The following TRIM50 variants were observed in gnomAD, a reference collection of about 807,000 sequenced individuals.
TRIM50 encodes the protein E3 ubiquitin-protein ligase TRIM50.
TRIM50 carries 34 observed loss-of-function variants against 44.9 expected under a neutral mutation model. The observed-to-expected ratio is 0.76, with a 90% CI of 0.58 to 1.01. TRIM50 has a LOEUF of 1.01. TRIM50 is among the 50% of genes least tolerant of loss of function. TRIM50 has a pLI of 0.00. For synonymous variants in TRIM50, 307 were observed against 291.1 expected (o/e 1.05, Z -0.56); for missense variants, 633 against 663.7 (o/e 0.95, Z 0.51).
chr7:73,313,150 TGGG>T lies in TRIM50; in HGVS notation c.1232_1234del (p.Pro411del). Reference sequence around the variant, plus strand: ...ATAGTGCAGGTAGAGCCCGATGCGGTGGGGGTGGCCGGCCACGGGCAGGGGTAC... The same window carrying T: ...ATAGTGCAGGTAGAGCCCGATGCGGTGGTGGCCGGCCACGGGCAGGGGTAC... On this transcript the variant is annotated inframe_deletion, in exon 7 of 7. Transcript: ENST00000333149. The surrounding 1 kb of genome is among the most constrained non-coding windows in gnomAD (Gnocchi z 4.9). The T allele has an allele frequency of 6.3e-7, 1 of 1,589,874 alleles. No homozygotes were observed. Among genetic ancestry groups the T allele is most frequent in the South Asian group, 1.1e-5 (1 of 87,666 alleles).
chr7:73,321,537 C>A (rs573633729), intron 2 of TRIM50, among the ~76,000 whole-genome samples: 1 of 152,110 alleles, frequency 6.6e-6, no homozygotes, highest in Admixed American at 6.6e-5. Context: ...CACGGATTTG[C>A]GACCTCCCCA....
In TRIM50 at chr7:73,324,627, G is replaced by A; in HGVS notation, c.161C>T (p.Pro54Leu). 1 of 1,614,198 alleles carries A rather than the reference G, an allele frequency of 6.2e-7. No homozygotes were observed. Among genetic ancestry groups the A allele is most frequent in the Non-Finnish European group, 8.5e-7 (1 of 1,180,040 alleles). ...GCCGTCCACCGCCTGCCGGCACACGGGGCAGCGCAGCTCGGCATCCAGGTG... is the reference window on the plus strand; with the variant it reads ...GCCGTCCACCGCCTGCCGGCACACGAGGCAGCGCAGCTCGGCATCCAGGTG... ...SCHLDAELRCPVCRQAVDGSS... is the reference protein window; with the variant it reads ...SCHLDAELRCLVCRQAVDGSS... The change falls in exon 2 of 7, where the codon CCC becomes CTC. Residue 54 changes from proline (P) to leucine (L), a missense_variant. Physicochemically the swap from Pro to Leu is moderately conservative, Grantham distance 98. Transcript: ENST00000333149.
In TRIM50 at chr7:73,313,173, G is replaced by A. The variant is rs782746653; in HGVS notation, c.1212C>T (p.Pro404=). The A allele has an allele frequency of 3.8e-6, 6 of 1,588,290 alleles. No individual in the cohort carries two copies. The South Asian group carries it at 6.9e-5, about 18-fold the overall frequency. Residue 404 remains proline (P), a synonymous_variant, in exon 7 of 7, where the codon CCC becomes CCT. Transcript: ENST00000333149. This position sits in a 1 kb window ranked among gnomAD's most constrained non-coding sequence, Gnocchi z 4.9. ...VYEAFACPRV[P]LPVAGHPHRI... is the part of the protein sequence containing the mutation. The stretch of plus-strand genomic sequence containing the variant: ...GGTGGGGGTGGCCGGCCACGGGCAG[G>A]GGTACCCGGGGGCAGGCAAAGGCTT...
intron 6 of TRIM50, chr7:73,314,355 C>G (rs1245873348): frequency 1.1e-4 from 43 of 390,456 alleles, no homozygotes; most frequent in Admixed American, 1.4e-4. Context: ...AACCAGTTCA[C>G]CCAGGCCCTG....
intron 3 of TRIM50, 97 bp downstream of exon 3, chr7:73,320,050 A>G (rs1804457315): frequency 6.3e-7 from 1 of 1,597,894 alleles, no homozygotes; most frequent in South Asian, 1.1e-5. Context: ...CTTTATATGG[A>G]AGGCATGGTT....
intron 3 of TRIM50, 103 bp from the exon 4 acceptor site, chr7:73,319,155 G>A (rs1804434191): frequency 1.3e-6 from 2 of 1,575,242 alleles, no homozygotes; most frequent in Admixed American, 3.6e-5. Context: ...GGTTGGTCCT[G>A]GGACCTGAGT....
At position 73,318,947 on chromosome 7, in the gene TRIM50, T is replaced by A. The variant is rs781854283; in HGVS notation, c.601A>T (p.Thr201Ser). The A allele has an allele frequency of 4.3e-6, 7 of 1,613,806 alleles. No homozygotes were observed. The Admixed American group carries it at 1.0e-4, about 23-fold the overall frequency. ...TCCAGGGAGGCCACCAGGCCACGGG[T>A]GTGACCCCCTATCCCCTCCAGGCAG... ...ARCLEGIGGH[T>S]RGLVASLDMQ... Residue 201 changes from threonine (T) to serine (S), a missense_variant, in exon 4 of 7, where the codon ACC becomes TCC. Thr to Ser is a moderately conservative substitution (Grantham distance 58, BLOSUM62 1). Transcript: ENST00000333149.
rs369458078 is a variant in TRIM50 at position 73,314,722 on chromosome 7, C to T, written c.875-1212G>A. On this transcript the variant is annotated intron_variant, in intron 6 of 6. Coordinates refer to ENST00000333149, the MANE Select transcript of TRIM50 (RefSeq NM_178125.3). Reference sequence around the variant, plus strand: ...AAAATTAGCCGGGCGTGGTGGCACACGCCTATAGTCCCAACTACTCAGGAG... The same window carrying T: ...AAAATTAGCCGGGCGTGGTGGCACATGCCTATAGTCCCAACTACTCAGGAG... The T allele has an allele frequency of 7.9e-5, 17 of 214,612 alleles. 2 individuals are homozygous for T. In the East Asian group the frequency reaches 1.9e-3, roughly 24 times the overall value. The allele number at this position is 214,612 out of a possible 1,614,324, so 13.3% of individuals were successfully genotyped here.
Position 73,324,685 on chromosome 7 carries a change from A to G in TRIM50, c.103T>C (p.Tyr35His). ...AGGGAAACCAGGCAGCCCTTGCAGTAAGAGTGGCCACACTGCAGCATCAGG... is the reference window on the plus strand; with the variant it reads ...AGGGAAACCAGGCAGCCCTTGCAGTGAGAGTGGCCACACTGCAGCATCAGG... ...EPLMLQCGHS[Y>H]CKGCLVSLSC... Residue 35 changes from tyrosine to histidine, a missense_variant, in exon 2 of 7, where the codon TAC becomes CAC. Physicochemically the swap from Tyr to His is moderately conservative, Grantham distance 83. Transcript: ENST00000333149. The G allele has an allele frequency of 1.2e-6, 2 of 1,614,180 alleles. No homozygotes were observed. The highest frequency in any genetic ancestry group is 1.7e-6 in the Non-Finnish European group (2 of 1,179,996).
chr7:73,327,329 A>C (rs1554546361), intron 1 of TRIM50, among the ~76,000 whole-genome samples: 1 of 152,110 alleles, frequency 6.6e-6, no homozygotes. Context: ...TTAAAAACTA[A>C]AAAATAAATT....
At chr7:73,321,149 CAGTGAGATCCCATCTCTA>C (rs1804486063) in intron 2 of TRIM50, among the ~76,000 whole-genome samples, 1 of 152,092 alleles carries the variant, frequency 6.6e-6, no homozygotes, top group Non-Finnish European at 1.5e-5. Context: ...CTGGGCAACA[CAGTGAGATCCCATCTCTA>C]ATTTTTTTTT....
intron 1 of TRIM50, chr7:73,325,322 A>G (rs1325650982): frequency 8.0e-5 from 13 of 162,320 alleles, no homozygotes; most frequent in African/African-American, 2.9e-4. Flanking sequence ...CTCTACACTT[A>G]TAGGTGACAC....
In TRIM50 at chr7:73,318,927, G is replaced by A. The variant is rs1804425687; in HGVS notation, c.621C>T (p.Ser207=). 1 of 1,613,908 alleles carries A rather than the reference G, an allele frequency of 6.2e-7. No homozygotes were observed. The highest frequency in any genetic ancestry group is 1.3e-5 in the African/African-American group (1 of 74,948). The stretch of plus-strand genomic sequence containing the variant: ...GGGCCTGCTCCAGCTGCATGTCCAG[G>A]GAGGCCACCAGGCCACGGGTGTGAC... ...IGGHTRGLVA[S]LDMQLEQAQG... is the part of the protein sequence containing the mutation. Residue 207 remains serine, a synonymous_variant, in exon 4 of 7, where the codon TCC becomes TCT. Coordinates refer to ENST00000333149, the MANE Select transcript of TRIM50 (RefSeq NM_178125.3).
At chr7:73,321,664 G>A (rs527496734) in intron 2 of TRIM50, among the ~76,000 whole-genome samples, 27 of 152,288 alleles carry the variant, frequency 1.8e-4, no homozygotes, top group South Asian at 8.3e-4. Flanking sequence ...CAGAGCCCCC[G>A]TCGGTTTGTA....
intron 2 of TRIM50, among the ~76,000 whole-genome samples, chr7:73,322,193 C>T (rs764927604): frequency 2.0e-5 from 3 of 152,036 alleles, no homozygotes; most frequent in African/African-American, 7.2e-5. Context: ...ACTAAAAATA[C>T]AAAAAATTAG....
chr7:73,327,578 C>G (rs1187474885), intron 1 of TRIM50, among the ~76,000 whole-genome samples: 1 of 152,182 alleles, frequency 6.6e-6, no homozygotes, highest in Admixed American at 6.5e-5. Context: ...GGAAGTAACC[C>G]ACAGCTGGGA....
intron 3 of TRIM50, among the ~76,000 whole-genome samples, chr7:73,319,449 A>C (rs1436941304): frequency 6.6e-6 from 1 of 151,954 alleles, no homozygotes; most frequent in Non-Finnish European, 1.5e-5. Flanking sequence ...GCACGCCACC[A>C]CACCCCACTT....
At chr7:73,320,110 C>T (rs1804458218) in intron 3 of TRIM50, 37 bp downstream of exon 3, 3 of 1,613,910 alleles carry the variant, frequency 1.9e-6, no homozygotes, top group Non-Finnish European at 2.5e-6. Flanking sequence ...GTGAAGGTGG[C>T]CGGTCCCAGG....
At chr7:73,315,423 A>G (rs1804333485) in intron 6 of TRIM50, among the ~76,000 whole-genome samples, 1 of 150,882 alleles carries the variant, frequency 6.6e-6, no homozygotes, top group African/African-American at 2.4e-5. Context: ...CAGTGGTGCA[A>G]TCATAGCTCA....
Sources: allele counts gnomAD v4.1 joint callset (sites outside exome capture counted in the v4.1 genomes callset), GRCh38; gene constraint gnomAD v4.1.1; non-coding constraint Gnocchi (gnomAD v3.1); transcripts MANE v1.5; gene names NCBI Gene and HGNC (gene_info 2026-07-23, HGNC 2026-07-21).